Variants in ZNF335 observed in about 807,000 individuals in gnomAD.
ZNF335 encodes the protein NRC-interacting factor 1.
In ZNF335, 84 loss-of-function variants were observed where a neutral mutation model predicts 145.6. The observed-to-expected ratio is 0.58, with a 90% CI of 0.48 to 0.69. The LOEUF (loss-of-function observed/expected upper bound fraction) is 0.69, where lower values mean the gene tolerates loss of function less well. Ranked by LOEUF, ZNF335 falls within the 30% of genes least tolerant of loss-of-function variation. The pLI, the probability that ZNF335 is intolerant of heterozygous loss-of-function variation, is 0.00. For missense variants in ZNF335, 1,865 were observed against 1,809.7 expected, an observed-to-expected ratio of 1.03 and a Z score of -0.55; for synonymous variants, 761 against 717.0, an observed-to-expected ratio of 1.06 and a Z score of -0.98.
intron 7 of ZNF335, among the ~76,000 whole-genome samples, chr20:45,965,020 C>T (rs2083924778): frequency 1.4e-5 from 2 of 142,940 alleles, no homozygotes; most frequent in Admixed American, 1.4e-4. Flanking sequence ...AAGAGTGAAA[C>T]TCTGTCTCAA....
chr20:45,953,993 G>A lies in ZNF335; in HGVS notation c.2443-45C>T, dbSNP rs529158218. 21 of 1,532,450 alleles carry A rather than the reference G, an allele frequency of 1.4e-5. No individual in the cohort carries two copies. The East Asian group carries it at 4.1e-4, about 30-fold the overall frequency. 94.9% of individuals were successfully genotyped at this position (1,532,450 alleles called of 1,614,324 possible). A position where few individuals can be genotyped will look rare whatever the true frequency, so the allele number is the denominator to read the frequency against. Reference sequence around the variant, plus strand: ...CGGGATGGGAGGCACTGGTGGCAGAGGAGCGGGTATGCAAGACGCCTCCCC... The same window carrying A: ...CGGGATGGGAGGCACTGGTGGCAGAAGAGCGGGTATGCAAGACGCCTCCCC... On this transcript the variant is annotated intron_variant, in intron 17 of 27. Coordinates refer to ENST00000322927, the MANE Select transcript of ZNF335 (RefSeq NM_022095.4).
intron 15 of ZNF335, among the ~76,000 whole-genome samples, chr20:45,958,636 T>C (rs1333389495): frequency 6.6e-6 from 1 of 152,218 alleles, no homozygotes. Flanking sequence ...GGTGGCAATG[T>C]ACCCAGCTCC....
In ZNF335 at chr20:45,962,142, C is replaced by G. The variant is rs1426418813; in HGVS notation, c.1574G>C (p.Cys525Ser). Residue 525 changes from cysteine (C) to serine (S), a missense_variant, in exon 10 of 28, where the codon TGT becomes TCT. Cys to Ser is a moderately radical substitution (Grantham distance 112). Coordinates refer to ENST00000322927, the MANE Select transcript of ZNF335 (RefSeq NM_022095.4). Reference protein sequence around the residue: ...FNHVGSKPYKCDECSYTSVYR... With the variant: ...FNHVGSKPYKSDECSYTSVYR... ...GACACTGGTGTAGCTGCACTCGTCA[C>G]ACTTGTAGGGCTTGCTGCCCACGTG... 1 of 1,614,092 alleles carries G rather than the reference C, an allele frequency of 6.2e-7. No homozygotes were observed. Among genetic ancestry groups the G allele is most frequent in the Non-Finnish European group, 8.5e-7 (1 of 1,180,018 alleles).
At position 45,952,487 on chromosome 20, in the gene ZNF335, G is replaced by A. The variant is rs2083652275; in HGVS notation, c.2849C>T (p.Pro950Leu). 5.1e-6 allele frequency: 8 copies of A among 1,567,648 alleles called. No homozygotes were observed. The highest frequency in any genetic ancestry group is 6.9e-6 in the Non-Finnish European group (8 of 1,152,736). Residue 950 changes from proline (P) to leucine (L), a missense_variant, in exon 20 of 28, where the codon CCA (proline) becomes CTA (leucine). Transcript: ENST00000322927. ...TTTGGCACCAGAGGCCAGAGCATCT[G>A]GACTTGGGAAGGAGATGGAGCCATC... Reference protein sequence around the residue: ...TADGSISFPSPDALASGAKWP... With the variant: ...TADGSISFPSLDALASGAKWP...
chr20:45,970,783 G>A lies in ZNF335; in HGVS notation c.201+427C>T, dbSNP rs181885638. Among the ~76,000 whole-genome samples, 791 of 140,506 alleles carry A rather than the reference G, an allele frequency of 5.6e-3. 4 individuals carry two copies. The highest frequency in any genetic ancestry group is 9.4e-3 in the Non-Finnish European group (617 of 65,480). 92.2% of individuals were successfully genotyped at this position (140,506 alleles called of 152,430 possible). ...TTTTTTTTTTTTTTTGTAGAGATGA[G>A]GTCTCGCTATTTGCCCAAGCTGGTC... On this transcript the variant is annotated intron_variant, in intron 2 of 27. Coordinates refer to ENST00000322927, the MANE Select transcript of ZNF335 (RefSeq NM_022095.4).
In ZNF335 at chr20:45,957,945, T is replaced by G. The variant is rs889861345; in HGVS notation, c.2254-17A>C. 5 of 1,610,598 alleles carry G rather than the reference T, an allele frequency of 3.1e-6. No homozygotes were observed. In the African/African-American group the frequency reaches 5.3e-5, roughly 17 times the overall value. On this transcript the variant is annotated splice_polypyrimidine_tract_variant and intron_variant, in intron 15 of 27. Transcript: ENST00000322927. ...TGGGGGTATCTATGGGGTGGAGATA[T>G]GGCCACGCCTGAGAGGGGCCAGCCC...
chr20:45,950,580 G>T lies in ZNF335; in HGVS notation c.3205C>A (p.His1069Asn). The stretch of plus-strand genomic sequence containing the variant: ...CACTGGTGGGGCCGTAGGCTTGAGT[G>T]CTGTGCCATGTGCGCCTGCAGAGAG... ...WPEVRAHMAQ[H>N]SSLRPHQCSQ... Residue 1069 changes from histidine to asparagine, a missense_variant, in exon 21 of 28, where the codon CAC (histidine) becomes AAC (asparagine). By Grantham distance (68) the His-to-Asn change is moderately conservative. Transcript: ENST00000322927. The T allele has an allele frequency of 1.2e-6, 2 of 1,614,006 alleles. No homozygotes were observed. Among genetic ancestry groups the T allele is most frequent in the Non-Finnish European group, 1.7e-6 (2 of 1,180,012 alleles).
chr20:45,952,412 G>T lies in ZNF335; in HGVS notation c.2924C>A (p.Pro975Gln). Reference sequence around the variant, plus strand: ...TACGCAGTGGGTCTTGGCTGGAGATGGGGGCTCAGGGCCGTCTCTGGGCAG... The same window carrying T: ...TACGCAGTGGGTCTTGGCTGGAGATTGGGGCTCAGGGCCGTCTCTGGGCAG... Reference protein sequence around the residue: ...GGLPRDGPEPPSPAKTHCVGD... With the variant: ...GGLPRDGPEPQSPAKTHCVGD... The change falls in exon 20 of 28, where the codon CCA (proline) becomes CAA (glutamine). Residue 975 changes from proline to glutamine, a missense_variant. Transcript: ENST00000322927. 4 of 1,582,192 alleles carry T rather than the reference G, an allele frequency of 2.5e-6. No homozygotes were observed. Among genetic ancestry groups the T allele is most frequent in the Non-Finnish European group, 2.6e-6 (3 of 1,160,948 alleles).
At chr20:45,971,539 C>A in intron 1 of ZNF335, 79 bp from the exon 2 acceptor site, 1 of 1,481,514 alleles carries the variant, frequency 6.7e-7, no homozygotes, top group Non-Finnish European at 8.9e-7. Context: ...CATTTGCACC[C>A]CTGCGCCCAT....
intron 24 of ZNF335, 97 bp downstream of exon 24, chr20:45,949,703 G>A (rs1345980101): frequency 2.1e-5 from 31 of 1,492,388 alleles, no homozygotes; most frequent in Middle Eastern, 1.9e-4. Flanking sequence ...ATGGACCCCA[G>A]GAGGGGTGGT....
chr20:45,950,656 G>A (rs1275385987), intron 20 of ZNF335, 61 bp from the exon 21 acceptor site: 22 of 1,591,364 alleles, frequency 1.4e-5, no homozygotes, highest in Middle Eastern at 1.9e-4. Context: ...ACAAATCCCC[G>A]GATCCCTGCT....
At chr20:45,961,333 G>A (rs575043333) in intron 10 of ZNF335, among the ~76,000 whole-genome samples, 1 of 152,182 alleles carries the variant, frequency 6.6e-6, no homozygotes, top group Non-Finnish European at 1.5e-5. Context: ...TGAGGCTGCA[G>A]TGAGCTGTAA....
rs2083601079 is a variant in ZNF335 at position 45,950,057 on chromosome 20, G to A, written c.3500C>T (p.Ser1167Phe). The A allele has an allele frequency of 6.2e-7, 1 of 1,613,812 alleles. No individual in the cohort carries two copies. Among genetic ancestry groups the A allele is most frequent in the Non-Finnish European group, 8.5e-7 (1 of 1,179,948 alleles). ...CTCTGGGCCCAGGACCCCGTGACTG[G>A]ACTGGAGTGCAGCTGGGCAGAGAGG... ...TLATLHTALQ[S>F]SHGVLGPERL... The change falls in exon 23 of 28, where the codon TCC (serine) becomes TTC (phenylalanine). Residue 1167 changes from serine to phenylalanine, a missense_variant. Coordinates refer to ENST00000322927, the MANE Select transcript of ZNF335 (RefSeq NM_022095.4).
At chr20:45,967,287 G>T (rs916952481) in intron 6 of ZNF335, 1 of 677,336 alleles carries the variant, frequency 1.5e-6, no homozygotes, top group Non-Finnish European at 2.5e-6. Flanking sequence ...AATGTGAACA[G>T]GGCCCCCTGT....
chr20:45,958,239 G>C (rs922855403), intron 15 of ZNF335, among the ~76,000 whole-genome samples: 28 of 152,054 alleles, frequency 1.8e-4, no homozygotes, highest in African/African-American at 6.5e-4. Context: ...GTAGAGATGG[G>C]GTTTCTCCAT....
intron 18 of ZNF335, among the ~76,000 whole-genome samples, chr20:45,953,389 G>A (rs527354632): frequency 6.6e-6 from 1 of 152,324 alleles, no homozygotes; most frequent in East Asian, 1.9e-4. Context: ...CCTACTGCAT[G>A]TGTGGTTTCA....
intron 2 of ZNF335, 165 bp from the exon 3 acceptor site, chr20:45,969,856 G>T: frequency 3.6e-6 from 3 of 826,258 alleles, no homozygotes; most frequent in Non-Finnish European, 5.3e-6. Context: ...AGGCCCTCCA[G>T]TCACAGAGTC....
At position 45,965,712 on chromosome 20, in the gene ZNF335, G is replaced by A; in HGVS notation, c.1018C>T (p.Pro340Ser). 1 of 1,605,924 alleles carries A rather than the reference G, an allele frequency of 6.2e-7. No individual in the cohort carries two copies. The highest frequency in any genetic ancestry group is 8.5e-7 in the Non-Finnish European group (1 of 1,176,624). The change falls in exon 7 of 28, where the codon CCC becomes TCC. Residue 340 changes from proline to serine, a missense_variant. By Grantham distance (74) the Pro-to-Ser change is moderately conservative. Coordinates refer to ENST00000322927, the MANE Select transcript of ZNF335 (RefSeq NM_022095.4). ...PRGRQLRLQR[P>S]TPSTPRPRRR... is the part of the protein sequence containing the mutation. ...CGGGGCCTTGGGGTACTGGGGGTGG[G>A]GCGCTGGAGCCGAAGCTGCCGGCCT...
intron 3 of ZNF335, chr20:45,968,692 C>T: frequency 3.2e-6 from 1 of 311,106 alleles, no homozygotes; most frequent in East Asian, 5.4e-5. Context: ...CCAGCTCCTG[C>T]ACCACTTTCT....
Sources: allele counts gnomAD v4.1 joint callset (sites outside exome capture counted in the v4.1 genomes callset), GRCh38; gene constraint gnomAD v4.1.1; transcripts MANE v1.5; gene names NCBI Gene and HGNC (gene_info 2026-07-23, HGNC 2026-07-21).